The following SLC24A2 variants were observed in gnomAD, a reference collection of about 807,000 sequenced individuals.
SLC24A2 encodes sodium/potassium/calcium exchanger 2.
In SLC24A2, 36 loss-of-function variants were observed where a neutral mutation model predicts 62.0. That is an observed-to-expected ratio of 0.58 (90% CI 0.44 to 0.77). The LOEUF is 0.77. Among genes scored for constraint, SLC24A2 ranks in the 30% least tolerant of loss-of-function variants. The pLI, the probability that SLC24A2 is intolerant of heterozygous loss-of-function variation, is 0.00. For missense variants in SLC24A2, 846 were observed against 817.9 expected (o/e 1.03, Z -0.42); for synonymous variants, 358 against 294.0 (o/e 1.22, Z -2.23).
chr9:20,075,893 G>A, the SLC24A2 span, among the ~76,000 whole-genome samples: 50 of 152,100 alleles, frequency 3.3e-4, no homozygotes, highest in Non-Finnish European at 6.5e-4. Context: ...AAAATTCATG[G>A]ATACTCAAGT....
At chr9:19,692,850 A>C (rs1324341753) in intron 2 of SLC24A2, among the ~76,000 whole-genome samples, 2 of 152,192 alleles carry the variant, frequency 1.3e-5, no homozygotes, top group Non-Finnish European at 2.9e-5. Context: ...AATGTTGATT[A>C]ATGACCAAAC....
At chr9:19,563,289 T>C (rs934489437) in intron 7 of SLC24A2, among the ~76,000 whole-genome samples, 3 of 152,172 alleles carry the variant, frequency 2.0e-5, no homozygotes, top group Non-Finnish European at 1.5e-5. Context: ...CTTATTATAC[T>C]TCACTGATGT....
chr9:20,275,759 T>G, the SLC24A2 span, among the ~76,000 whole-genome samples: 96 of 152,306 alleles, frequency 6.3e-4, no homozygotes, highest in African/African-American at 2.1e-3. Flanking sequence ...AGAGGTTTAA[T>G]GAACTCACAA....
chr9:19,765,071 T>C (rs910352404), intron 2 of SLC24A2, among the ~76,000 whole-genome samples: 1 of 152,228 alleles, frequency 6.6e-6, no homozygotes, highest in Non-Finnish European at 1.5e-5. Context: ...TCTTTTCTGA[T>C]ATTTGTTTGT....
At chr9:20,017,912 C>T in the SLC24A2 span, among the ~76,000 whole-genome samples, 1 of 152,198 alleles carries the variant, frequency 6.6e-6, no homozygotes, top group Non-Finnish European at 1.5e-5. Flanking sequence ...TCTCCTTTGG[C>T]AACACCCTCA....
chr9:19,576,168 G>A (rs1563977614), intron 6 of SLC24A2, among the ~76,000 whole-genome samples: 1 of 152,182 alleles, frequency 6.6e-6, no homozygotes, highest in Non-Finnish European at 1.5e-5. Flanking sequence ...GAGCAATGCT[G>A]TTGAATTTTG....
intron 7 of SLC24A2, among the ~76,000 whole-genome samples, chr9:19,569,114 G>A (rs906076706): frequency 1.3e-5 from 2 of 152,060 alleles, no homozygotes; most frequent in South Asian, 4.2e-4. Context: ...ACTAAGGATG[G>A]GCAAACGTTT....
At chr9:19,531,478 T>C (rs986935652) in intron 8 of SLC24A2, among the ~76,000 whole-genome samples, 69 of 152,316 alleles carry the variant, frequency 4.5e-4, no homozygotes, top group African/African-American at 1.7e-3. Flanking sequence ...GTGCTGGCCA[T>C]TTTGTGCCCA....
the SLC24A2 span, among the ~76,000 whole-genome samples, chr9:19,903,939 A>G: frequency 0.98 from 149,533 of 152,266 alleles, 73,484 homozygotes; most frequent in East Asian, 1. Context: ...AAAGCCTCTC[A>G]TGCACAAAGA....
intron 5 of SLC24A2, among the ~76,000 whole-genome samples, chr9:19,594,192 C>A (rs535184676): frequency 4.6e-5 from 7 of 152,082 alleles, no homozygotes; most frequent in Non-Finnish European, 1.0e-4. Flanking sequence ...TTCTGAACAC[C>A]TGTGGTACTT....
the SLC24A2 span, among the ~76,000 whole-genome samples, chr9:19,837,044 C>T: frequency 1.3e-5 from 2 of 152,144 alleles, no homozygotes; most frequent in African/African-American, 2.4e-5. Flanking sequence ...ATGCTAAAAA[C>T]TCTCAAAAAA....
At chr9:20,133,241 T>TAC in the SLC24A2 span, among the ~76,000 whole-genome samples, 875 of 151,102 alleles carry the variant, frequency 5.8e-3, 7 homozygotes, top group South Asian at 0.043. Context: ...CATGTATGTA[T>TAC]ACACACACAC....
At chr9:20,082,789 A>C in the SLC24A2 span, among the ~76,000 whole-genome samples, 1 of 152,266 alleles carries the variant, frequency 6.6e-6, no homozygotes, top group Non-Finnish European at 1.5e-5. Flanking sequence ...TTCTAAAAAC[A>C]AGAATTTTAT....
chr9:19,846,745 G>C, the SLC24A2 span, among the ~76,000 whole-genome samples: 1 of 152,000 alleles, frequency 6.6e-6, no homozygotes, highest in Admixed American at 6.6e-5. Context: ...GCAGATCTGG[G>C]GCTGGGCACA....
chr9:19,581,041 A>G (rs143728215), intron 5 of SLC24A2, among the ~76,000 whole-genome samples: 186 of 152,262 alleles, frequency 1.2e-3, no homozygotes, highest in African/African-American at 4.2e-3. Context: ...GGAAAAAGAG[A>G]ATCAAACAGA....
At chr9:20,013,194 T>C in the SLC24A2 span, among the ~76,000 whole-genome samples, 1 of 151,624 alleles carries the variant, frequency 6.6e-6, no homozygotes, top group Non-Finnish European at 1.5e-5. Context: ...GGTAGTGGCA[T>C]AAAAGCAGGC....
chr9:19,579,446 C>A (rs1043573267), intron 5 of SLC24A2, among the ~76,000 whole-genome samples: 2 of 152,110 alleles, frequency 1.3e-5, no homozygotes, highest in Admixed American at 6.6e-5. Context: ...CAAAAAGTCC[C>A]AAATCATCTG....
the SLC24A2 span, among the ~76,000 whole-genome samples, chr9:19,949,794 G>C: frequency 6.6e-6 from 1 of 152,210 alleles, no homozygotes; most frequent in South Asian, 2.1e-4. Flanking sequence ...CTAGTGGATA[G>C]TGAAAAGAAA....
At chr9:19,943,859 T>G in the SLC24A2 span, among the ~76,000 whole-genome samples, 1 of 152,318 alleles carries the variant, frequency 6.6e-6, no homozygotes, top group African/African-American at 2.4e-5. Flanking sequence ...AATATTCTAC[T>G]CAATGTAAGA....
Sources: allele counts gnomAD v4.1 joint callset (sites outside exome capture counted in the v4.1 genomes callset), GRCh38; gene constraint gnomAD v4.1.1; transcripts MANE v1.5; gene names NCBI Gene and HGNC (gene_info 2026-07-23, HGNC 2026-07-21).